The following UNC13A variants were observed in gnomAD, a reference collection of about 807,000 sequenced individuals.
UNC13A encodes unc-13 homolog A.
Under a neutral mutation model 219.7 loss-of-function variants are expected in UNC13A, and 61 were observed. That is an observed-to-expected ratio of 0.28 (90% CI 0.23 to 0.34). The LOEUF (loss-of-function observed/expected upper bound fraction) is 0.34, where lower values mean the gene tolerates loss of function less well. Ranked by LOEUF, UNC13A falls within the 10% of genes least tolerant of loss-of-function variation. The probability of loss-of-function intolerance (pLI) is 1.00; values close to 1 mark genes in which losing one functional copy is unlikely to be tolerated. For synonymous variants in UNC13A, 920 were observed against 884.6 expected, an observed-to-expected ratio of 1.04 and a Z score of -0.71; for missense variants, 1,476 against 2,270.3, an observed-to-expected ratio of 0.65 and a Z score of 7.11.
At chr19:17,630,567 A>G in intron 29 of UNC13A, 87 bp downstream of exon 29, 4 of 1,395,376 alleles carry the variant, frequency 2.9e-6, no homozygotes. Flanking sequence ...CACCTACCAG[A>G]GACTGGCCTC....
At position 17,674,702 on chromosome 19, in the gene UNC13A, A is replaced by G. The variant is rs750657765; in HGVS notation, c.107T>C (p.Ile36Thr). The G allele has an allele frequency of 1.9e-6, 3 of 1,613,834 alleles. No homozygotes were observed. The change falls in exon 3 of 44, where the codon ATC (isoleucine) becomes ACC (threonine). Residue 36 changes from isoleucine (I) to threonine (T), a missense_variant. Physicochemically the swap from Ile to Thr is moderately conservative, Grantham distance 89 (BLOSUM62 -1). This residue lies in a region of UNC13A where 203 missense variants were observed against 301.6 expected (regional missense o/e 0.67). Coordinates refer to ENST00000519716, the MANE Select transcript of UNC13A (RefSeq NM_001080421.3). This position sits in a 1 kb window ranked among gnomAD's most constrained non-coding sequence, Gnocchi z 5.0. ...LKVQNVKSTT[I>T]AVRGSQPSWE... ...GCTGGGCTGGCTGCCCCGCACCGCG[A>G]TGGTCGTGCTCTTGACATTCTGCAC...
At chr19:17,655,629 C>T (rs918813555) in intron 10 of UNC13A, among the ~76,000 whole-genome samples, 1 of 151,012 alleles carries the variant, frequency 6.6e-6, no homozygotes, top group Admixed American at 6.6e-5. Flanking sequence ...TCTGGCCCCC[C>T]ATTTGCCCAG....
chr19:17,635,976 T>A, intron 26 of UNC13A, 48 bp downstream of exon 26: 1 of 1,577,362 alleles, frequency 6.3e-7, no homozygotes, highest in African/African-American at 1.3e-5. Context: ...GTTGTATACA[T>A]ACACACGATG....
In UNC13A at chr19:17,605,733, G is replaced by C. The variant is rs1221424778; in HGVS notation, c.*321C>G. On this transcript the variant is annotated 3_prime_UTR_variant, in exon 44 of 44. Transcript: ENST00000519716. ...GTGCCTCCCGGTACCAGAGCCCCGG[G>C]ATGTGGCCTCCTCCATAGGGACGAG... is the stretch of plus-strand genomic sequence containing the variant. 1 of 299,000 alleles carries C rather than the reference G, an allele frequency of 3.3e-6. No individual in the cohort carries two copies. The highest frequency in any genetic ancestry group is 5.3e-5 in the Admixed American group (1 of 18,844). The allele number at this position is 299,000 out of a possible 1,614,324, so 18.5% of individuals were successfully genotyped here.
Position 17,639,926 on chromosome 19 carries a change from G to A in UNC13A, c.2788-18C>T. On this transcript the variant is annotated intron_variant, in intron 22 of 43. Transcript: ENST00000519716. ...CGCTCTTTCTGAGGAGGAAGGGGAGGAGGGAGGATGGATGGAGGCAGGACA... is the reference window on the plus strand; with the variant it reads ...CGCTCTTTCTGAGGAGGAAGGGGAGAAGGGAGGATGGATGGAGGCAGGACA... 1 of 1,613,534 alleles carries A rather than the reference G, an allele frequency of 6.2e-7. No individual in the cohort carries two copies. The highest frequency in any genetic ancestry group is 8.5e-7 in the Non-Finnish European group (1 of 1,179,732).
chr19:17,628,177 C>T, intron 31 of UNC13A: 1 of 558,886 alleles, frequency 1.8e-6, no homozygotes, highest in Non-Finnish European at 3.2e-6. Flanking sequence ...TCCCACGACC[C>T]CAGGCCTGGT....
At chr19:17,607,470 G>C in intron 43 of UNC13A, among the ~76,000 whole-genome samples, 1 of 135,186 alleles carries the variant, frequency 7.4e-6, no homozygotes, top group South Asian at 2.8e-4. Context: ...CGGGGGGGGG[G>C]GTCTCACCAT....
intron 1 of UNC13A, among the ~76,000 whole-genome samples, chr19:17,678,121 C>T (rs530234437): frequency 6.6e-6 from 1 of 152,268 alleles, no homozygotes; most frequent in African/African-American, 2.4e-5. Context: ...CTGAGTGGAG[C>T]CAGTGAAGAG....
rs1325197899 is a variant in UNC13A at position 17,627,619 on chromosome 19, C to G, written c.3832-22G>C. On this transcript the variant is annotated intron_variant, in intron 32 of 43. Transcript: ENST00000519716. The surrounding 1 kb of genome is among the most constrained non-coding windows in gnomAD (Gnocchi z 4.7). ...CCAGCTAAGGAGGGAGAAGGGACAC[C>G]AGGCCAGGTTCAGTAAGTATCCACA... 1.3e-6 allele frequency: 2 copies of G among 1,545,236 alleles called. No homozygotes were observed. Among genetic ancestry groups the G allele is most frequent in the East Asian group, 2.4e-5 (1 of 41,154 alleles).
rs569658748 is a variant in UNC13A, at chr19:17,687,955, G to A, written c.22+223C>T. Among the ~76,000 whole-genome samples the A allele has an allele frequency of 6.6e-3, 984 of 148,410 alleles. 5 individuals carry two copies. Among genetic ancestry groups the A allele is most frequent in the Non-Finnish European group, 0.011 (706 of 66,680 alleles). On this transcript the variant is annotated intron_variant, in intron 1 of 43. Transcript: ENST00000519716. Reference sequence around the variant, plus strand: ...CCTCCGCGTTCAGCCGCGTCCACACGACCCCTCCAGCAGCGGCCACCAGGA... The same window carrying A: ...CCTCCGCGTTCAGCCGCGTCCACACAACCCCTCCAGCAGCGGCCACCAGGA...
chr19:17,648,949 G>A lies in UNC13A; in HGVS notation c.1559C>T (p.Ser520Leu), dbSNP rs1055193273. Residue 520 changes from serine (S) to leucine (L), a missense_variant, in exon 15 of 44, where the codon TCG becomes TTG. Transcript: ENST00000519716. ...GTTCAACGTGCTGGAGGCCAAGGCC[G>A]AGGTGATGCCCGCTTTCCTGGACTG... Reference protein sequence around the residue: ...LVQSRKAGITSALASSTLNNE... With the variant: ...LVQSRKAGITLALASSTLNNE... 6.9e-6 allele frequency: 11 copies of A among 1,605,458 alleles called. No homozygotes were observed. The highest frequency in any genetic ancestry group is 4.0e-5 in the African/African-American group (3 of 74,824).
intron 17 of UNC13A, among the ~76,000 whole-genome samples, chr19:17,646,937 G>A (rs1333569432): frequency 6.6e-6 from 1 of 152,074 alleles, no homozygotes; most frequent in East Asian, 1.9e-4. Context: ...TCTCCTTCAG[G>A]ACTCCTTCCA....
intron 1 of UNC13A, among the ~76,000 whole-genome samples, chr19:17,686,183 C>T (rs1192708528): frequency 6.6e-6 from 1 of 151,714 alleles, no homozygotes; most frequent in Non-Finnish European, 1.5e-5. Flanking sequence ...GCACAGTCCT[C>T]CCCCAACGTC....
At chr19:17,632,445 G>T (rs1894226347) in intron 28 of UNC13A, among the ~76,000 whole-genome samples, 1 of 152,204 alleles carries the variant, frequency 6.6e-6, no homozygotes, top group African/African-American at 2.4e-5. Context: ...GATTGCCGGG[G>T]CTACAGGCAT....
intron 20 of UNC13A, among the ~76,000 whole-genome samples, chr19:17,642,054 A>T (rs1238530429): frequency 6.6e-6 from 1 of 151,506 alleles, no homozygotes; most frequent in Admixed American, 6.6e-5. Flanking sequence ...CCATCCATCC[A>T]TCTACCTATC....
chr19:17,686,976 C>T (rs2080125450), intron 1 of UNC13A, among the ~76,000 whole-genome samples: 1 of 152,188 alleles, frequency 6.6e-6, no homozygotes, highest in South Asian at 2.1e-4. Context: ...CACACCCCTT[C>T]CCCCACCCCA....
At chr19:17,623,349 T>C (rs1388367059) in intron 36 of UNC13A, 193 bp downstream of exon 36, 16 of 506,140 alleles carry the variant, frequency 3.2e-5, no homozygotes, top group Non-Finnish European at 5.6e-5. Context: ...GTGGGCGTGG[T>C]CTCCCTCCCT....
chr19:17,633,086 A>G lies in UNC13A; in HGVS notation c.3301+22T>C, dbSNP rs751428156. On this transcript the variant is annotated intron_variant, in intron 27 of 43. Coordinates refer to ENST00000519716, the MANE Select transcript of UNC13A (RefSeq NM_001080421.3). ...GCCACCTGGTGTGGCCAGGCTGGGG[A>G]ACACTGGGGTGGGAAACTCACCCTC... 5.0e-6 allele frequency: 8 copies of G among 1,613,694 alleles called. No homozygotes were observed. The Admixed American group carries it at 1.3e-4, about 27-fold the overall frequency.
At chr19:17,606,384 G>A in intron 43 of UNC13A, 30 bp from the exon 44 acceptor site, 1 of 1,535,872 alleles carries the variant, frequency 6.5e-7, no homozygotes. Flanking sequence ...ACGTGAGACA[G>A]GCCACACCTA....
Sources: gnomAD v4.1 joint callset for allele counts (sites outside exome capture counted in the v4.1 genomes callset) on GRCh38, gnomAD v4.1.1 for gene constraint, gnomAD v4.1.1 regional missense constraint, Gnocchi (gnomAD v3.1) non-coding constraint, MANE v1.5 for transcripts, NCBI Gene and HGNC (gene_info 2026-07-23, HGNC 2026-07-21) for gene names.